TF: variants seen among roughly 807,000 people sequenced by gnomAD.
The protein encoded by TF is transferrin, also known as serotransferrin.
In TF, 55 loss-of-function variants were observed where a neutral mutation model predicts 82.4. The ratio of observed to expected loss-of-function variants is 0.67; its 90% CI spans 0.54 to 0.84. The LOEUF (loss-of-function observed/expected upper bound fraction) is 0.84, where lower values mean the gene tolerates loss of function less well. TF is among the 40% of genes least tolerant of loss of function. The pLI, the probability that TF is intolerant of heterozygous loss-of-function variation, is 0.00. For missense variants in TF, 737 were observed against 868.4 expected (o/e 0.85, Z 1.90); for synonymous variants, 332 against 332.6 (o/e 1.00, Z 0.02).
chr3:133,746,787 C>G (rs1933514508), intron 1 of TF, among the ~76,000 whole-genome samples: 2 of 152,250 alleles, frequency 1.3e-5, no homozygotes, highest in Non-Finnish European at 2.9e-5. Flanking sequence ...TGCCTCTTGT[C>G]AAGTCCGAAC....
In TF at chr3:133,792,331, T is replaced by C. The variant is rs1934861306; in HGVS notation, c.*13711T>C. 6.6e-6 allele frequency: 1 copy of C among 152,240 alleles called. No individual in the cohort carries two copies. Among genetic ancestry groups the C allele is most frequent in the Admixed American group, 6.5e-5 (1 of 15,284 alleles). 9.4% of individuals were successfully genotyped at this position (152,240 alleles called of 1,614,324 possible). A position where few individuals can be genotyped will look rare whatever the true frequency, so the allele number is the denominator to read the frequency against. On this transcript the variant is annotated 3_prime_UTR_variant, in exon 17 of 17. Coordinates refer to ENST00000402696, the MANE Select transcript of TF (RefSeq NM_001063.4). ...GTCAAAGCATGTCGTAGATGGTCTG[T>C]GTAAGTCATGAAATAATTTACAAAA...
chr3:133,768,848 A>C (rs940552432), intron 13 of TF, among the ~76,000 whole-genome samples: 65 of 122,218 alleles, frequency 5.3e-4, no homozygotes, highest in African/African-American at 2.1e-3. Flanking sequence ...GCTGGAGTGT[A>C]GTGGCACACT....
the TF span, among the ~76,000 whole-genome samples, chr3:133,693,243 A>G: frequency 8.5e-5 from 13 of 152,154 alleles, no homozygotes; most frequent in African/African-American, 2.2e-4. Context: ...CTTCCCAGAA[A>G]GGCTCATTGG....
At chr3:133,778,503 G>T in intron 16 of TF, 83 bp from the exon 17 acceptor site, 1 of 1,479,266 alleles carries the variant, frequency 6.8e-7, no homozygotes, top group Non-Finnish European at 9.4e-7. Flanking sequence ...TTTGTACTAT[G>T]CTGAAATTGT....
In TF at chr3:133,764,208, G is replaced by A. The variant is rs767666128; in HGVS notation, c.1230G>A (p.Leu410=). ...IMNGEADAMS[L]DGGFVYIAGK... is the part of the protein sequence containing the mutation. ...ATGGAGAAGCTGATGCCATGAGCTT[G>A]GATGGAGGGTTTGTCTACATAGCGG... Residue 410 remains leucine (L), a synonymous_variant, in exon 10 of 17, where the codon TTG becomes TTA. Coordinates refer to ENST00000402696, the MANE Select transcript of TF (RefSeq NM_001063.4). 6.2e-7 allele frequency: 1 copy of A among 1,613,948 alleles called. No individual in the cohort carries two copies. Among genetic ancestry groups the A allele is most frequent in the South Asian group, 1.1e-5 (1 of 91,074 alleles).
the TF span, among the ~76,000 whole-genome samples, chr3:133,694,057 C>T: frequency 3.3e-5 from 5 of 152,210 alleles, no homozygotes; most frequent in Non-Finnish European, 7.3e-5. Flanking sequence ...CTCCAGCAGG[C>T]TGCACTGGCT....
the TF span, among the ~76,000 whole-genome samples, chr3:133,668,331 A>G: frequency 6.6e-6 from 1 of 152,164 alleles, no homozygotes; most frequent in African/African-American, 2.4e-5. Context: ...TAGAGAGGGT[A>G]ATAGAAAATG....
the TF span, among the ~76,000 whole-genome samples, chr3:133,734,350 C>G: frequency 6.6e-6 from 1 of 152,132 alleles, no homozygotes; most frequent in Non-Finnish European, 1.5e-5. Context: ...AGAGCTGGTA[C>G]AGGGAAGGTA....
At chr3:133,692,530 C>T in the TF span, among the ~76,000 whole-genome samples, 2 of 152,174 alleles carry the variant, frequency 1.3e-5, no homozygotes, top group Non-Finnish European at 2.9e-5. Flanking sequence ...AGCTGGTGCC[C>T]TTGAGGATCC....
chr3:133,757,136 GTCACTAAGT>G, intron 7 of TF, 127 bp downstream of exon 7: 1 of 1,268,196 alleles, frequency 7.9e-7, no homozygotes, highest in Non-Finnish European at 1.1e-6. Flanking sequence ...CATGCCACAT[GTCACTAAGT>G]TCTCTAAAAG....
chr3:133,759,144 T>C, intron 8 of TF, 31 bp from the exon 9 acceptor site: 1 of 1,612,212 alleles, frequency 6.2e-7, no homozygotes. Context: ...CTAGGGCCGC[T>C]TCTGATCTTT....
At chr3:133,678,219 C>A in the TF span, among the ~76,000 whole-genome samples, 1 of 152,180 alleles carries the variant, frequency 6.6e-6, no homozygotes, top group African/African-American at 2.4e-5. Flanking sequence ...CATAGTATTC[C>A]ATGGTATATA....
At chr3:133,684,736 C>G in the TF span, among the ~76,000 whole-genome samples, 1 of 152,112 alleles carries the variant, frequency 6.6e-6, no homozygotes, top group South Asian at 2.1e-4. Context: ...AAAAAAAGTC[C>G]AGGACCAGAC....
the TF span, among the ~76,000 whole-genome samples, chr3:133,688,725 G>C: frequency 1.3e-5 from 2 of 152,136 alleles, no homozygotes; most frequent in African/African-American, 4.8e-5. Flanking sequence ...AATGTTTTTG[G>C]AAGTTATGGT....
chr3:133,718,006 C>T, the TF span, among the ~76,000 whole-genome samples: 3 of 151,932 alleles, frequency 2.0e-5, no homozygotes, highest in African/African-American at 7.3e-5. Context: ...AGAACTGGCC[C>T]CTGTGCTCCC....
rs958256781 is a variant in TF, at chr3:133,782,409, T to G, written c.*3789T>G. 1.4e-5 allele frequency: 2 copies of G among 146,592 alleles called. No individual in the cohort carries two copies. The highest frequency in any genetic ancestry group is 5.4e-5 in the African/African-American group (2 of 37,362). 9.1% of individuals were successfully genotyped at this position (146,592 alleles called of 1,614,324 possible). ...AAATGCCTGTTGAAGAATGAATGGATAAAGAAACTGTATACACACACACAC... is the reference window on the plus strand; with the variant it reads ...AAATGCCTGTTGAAGAATGAATGGAGAAAGAAACTGTATACACACACACAC... On this transcript the variant is annotated 3_prime_UTR_variant, in exon 17 of 17. Transcript: ENST00000402696.
At chr3:133,746,168 T>G, upstream of TF, 1 of 558,712 alleles carries the variant, frequency 1.8e-6, no homozygotes, top group Non-Finnish European at 3.2e-6. Context: ...ATGGCTGCAT[T>G]GTGCTTCATG....
intron 1 of TF, 43 bp downstream of exon 1, chr3:133,746,526 C>T: frequency 6.4e-7 from 1 of 1,570,126 alleles, no homozygotes; most frequent in Non-Finnish European, 8.6e-7. Context: ...CGCTGGCCCG[C>T]GCGTTCCCTG....
intron 2 of TF, among the ~76,000 whole-genome samples, chr3:133,753,006 G>A (rs1387488431): frequency 6.6e-6 from 1 of 152,152 alleles, no homozygotes; most frequent in Non-Finnish European, 1.5e-5. Context: ...GAAGAGCATT[G>A]AGTACTGAGT....
Sources: allele counts gnomAD v4.1 joint callset (sites outside exome capture counted in the v4.1 genomes callset), GRCh38; gene constraint gnomAD v4.1.1; transcripts MANE v1.5; gene names NCBI Gene and HGNC (gene_info 2026-07-23, HGNC 2026-07-21).